Variants in HERC2 observed in about 807,000 individuals in gnomAD.
The protein encoded by HERC2 is HECT and RLD domain containing E3 ubiquitin protein ligase 2.
In HERC2, 102 loss-of-function variants were observed where a neutral mutation model predicts 537.7. The observed-to-expected ratio is 0.19, with a 90% CI of 0.16 to 0.22. HERC2 has a LOEUF of 0.22. Among genes scored for constraint, HERC2 ranks in the 10% least tolerant of loss-of-function variants. The pLI is 1.00. For missense variants in HERC2, 4,236 were observed against 6,198.2 expected, an observed-to-expected ratio of 0.68 and a Z score of 10.63; for synonymous variants, 2,224 against 2,466.2, an observed-to-expected ratio of 0.90 and a Z score of 2.91.
At chr15:28,222,928 T>C (rs1900679910) in intron 35 of HERC2, among the ~76,000 whole-genome samples, 1 of 152,188 alleles carries the variant, frequency 6.6e-6, no homozygotes, top group Non-Finnish European at 1.5e-5. Context: ...GCTCGTCCTG[T>C]GTGGATCCTG....
At chr15:28,129,567 C>G (rs1485481827) in intron 83 of HERC2, among the ~76,000 whole-genome samples, 3 of 152,222 alleles carry the variant, frequency 2.0e-5, no homozygotes, top group African/African-American at 7.2e-5. Context: ...CCTCCCGAAA[C>G]CCAGGTTCCC....
chr15:28,152,679 G>T lies in HERC2; in HGVS notation c.10898C>A (p.Pro3633Gln), dbSNP rs1441630023. The T allele has an allele frequency of 1.3e-6, 2 of 1,548,254 alleles. No homozygotes were observed. The highest frequency in any genetic ancestry group is 2.4e-5 in the East Asian group (1 of 40,848). ...CCCGCTGGGGCCAGCCCCTGTACCT[G>T]GTATCTTCACTGTGCCACTGGTGGA... Reference protein sequence around the residue: ...DTSTSGTVKIPGAEGLRVEFD... With the variant: ...DTSTSGTVKIQGAEGLRVEFD... Residue 3633 changes from proline (P) to glutamine (Q), a missense_variant and splice_region_variant, in exon 70 of 93, where the codon CCA (proline) becomes CAA (glutamine). Physicochemically the swap from Pro to Gln is moderately conservative, Grantham distance 76. Transcript: ENST00000261609.
At chr15:28,311,360 G>C (rs1238325365) in intron 2 of HERC2, among the ~76,000 whole-genome samples, 9 of 152,390 alleles carry the variant, frequency 5.9e-5, no homozygotes, top group Admixed American at 5.9e-4. Context: ...ACTACTCAGG[G>C]GGCTGAGGTG....
rs190315809 is a variant in HERC2, at chr15:28,266,767, G to C, written c.1599-793C>G. The stretch of plus-strand genomic sequence containing the variant: ...AGAGGTTGTCAGGAACTGGAGGTAG[G>C]AAGGGGGCATCAACTCAAAGGGTAC... On this transcript the variant is annotated intron_variant, in intron 12 of 92. Transcript: ENST00000261609. Among the ~76,000 whole-genome samples, 3 of 152,294 alleles carry C rather than the reference G, an allele frequency of 2.0e-5. No homozygotes were observed. In the East Asian group the frequency reaches 5.8e-4, roughly 29 times the overall value.
chr15:28,147,035 C>G lies in HERC2; in HGVS notation c.10901-691G>C, dbSNP rs1596049657. On this transcript the variant is annotated intron_variant, in intron 70 of 92. Transcript: ENST00000261609. ...TTGGGAGCTGATTCTGGGGGGGCCG[C>G]AGGAGGTGGGGAGTGGAAGCAGGAA... Among the ~76,000 whole-genome samples, 12 of 140,050 alleles carry G rather than the reference C, an allele frequency of 8.6e-5. No individual in the cohort carries two copies. The South Asian group carries it at 2.9e-3, about 34-fold the overall frequency. 91.9% of individuals were successfully genotyped at this position (140,050 alleles called of 152,430 possible).
chr15:28,229,565 A>G lies in HERC2; in HGVS notation c.5015T>C (p.Ile1672Thr). The change falls in exon 33 of 93, where the codon ATA becomes ACA. Residue 1672 changes from isoleucine to threonine, a missense_variant. This residue lies in a region of HERC2 where 343 missense variants were observed against 417.2 expected (regional missense o/e 0.82). Transcript: ENST00000261609. ...LERAEVRLEG[I>T]DTILKLASKN... ...GCTCGCCAGTTTTAAAATTGTATCT[A>G]TCCCTTCCAGGCGAACCTCTGCTCT... is the stretch of plus-strand genomic sequence containing the variant. 2 of 1,613,106 alleles carry G rather than the reference A, an allele frequency of 1.2e-6. No homozygotes were observed. The highest frequency in any genetic ancestry group is 1.3e-5 in the African/African-American group (1 of 75,038).
intron 20 of HERC2, among the ~76,000 whole-genome samples, chr15:28,250,414 C>T (rs1904190058): frequency 6.6e-6 from 1 of 152,150 alleles, no homozygotes; most frequent in Non-Finnish European, 1.5e-5. Context: ...ATGTATGCTA[C>T]ACCTGAAGGA....
At chr15:28,226,280 C>A (rs1442630024) in intron 35 of HERC2, among the ~76,000 whole-genome samples, 1 of 152,066 alleles carries the variant, frequency 6.6e-6, no homozygotes, top group African/African-American at 2.4e-5. Flanking sequence ...GAAAAGCCAG[C>A]CTTGAAGTTC....
rs1444542968 is a variant in HERC2, at chr15:28,245,562, T to TACAC, written c.3577+318_3577+319insGTGT. Among the ~76,000 whole-genome samples the TACAC allele has an allele frequency of 1.1e-3, 68 of 62,932 alleles. 1 individual carries two copies. The highest frequency in any genetic ancestry group is 2.9e-3 in the African/African-American group (55 of 19,008). The allele number at this position is 62,932 out of a possible 152,430, so 41.3% of individuals were successfully genotyped here. A position where few individuals can be genotyped will look rare whatever the true frequency, so the allele number is the denominator to read the frequency against. ...ATGTAGTGTCAAAAAAAAAAAAAAA[T>TACAC]ATATACACACACACACACACACACA... On this transcript the variant is annotated intron_variant, in intron 23 of 92. Transcript: ENST00000261609.
intron 69 of HERC2, among the ~76,000 whole-genome samples, chr15:28,154,329 T>C (rs1414593048): frequency 5.9e-5 from 9 of 152,214 alleles, no homozygotes; most frequent in African/African-American, 1.9e-4. Context: ...ATAGGCATGA[T>C]TTTAAATCTA....
At chr15:28,264,020 C>CAAAA (rs34823980) in intron 14 of HERC2, among the ~76,000 whole-genome samples, 72 of 81,856 alleles carry the variant, frequency 8.8e-4, no homozygotes, top group Non-Finnish European at 1.1e-3. Context: ...CTTTGTCTTA[C>CAAAA]AAAAAAAAAA....
intron 9 of HERC2, among the ~76,000 whole-genome samples, chr15:28,271,478 G>A (rs1198742602): frequency 1.3e-5 from 2 of 152,050 alleles, no homozygotes; most frequent in African/African-American, 4.8e-5. Context: ...ACCATCCTGG[G>A]TAACATGGTG....
At chr15:28,256,372 A>G in intron 17 of HERC2, 55 bp from the exon 18 acceptor site, 3 of 1,154,216 alleles carry the variant, frequency 2.6e-6, no homozygotes, top group South Asian at 1.4e-5. Flanking sequence ...GTGAATTTCA[A>G]AGTCTTATTA....
intron 64 of HERC2, among the ~76,000 whole-genome samples, 174 bp from the exon 65 acceptor site, chr15:28,174,794 A>G (rs1225022104): frequency 6.6e-6 from 1 of 152,180 alleles, no homozygotes; most frequent in Non-Finnish European, 1.5e-5. Context: ...AGCGTACTAC[A>G]ATTCTGAAGA....
rs1895201094 is a variant in HERC2, at chr15:28,175,581, C to T, written c.9762G>A (p.Leu3254=). ...HVRKPQVVEG[L]RGKKIVHVAV... Reference sequence around the variant, plus strand: ...CCACATGCACGATCTTCTTCCCTCTCAGCCCTTCCACCACCTGTGGTTTCC... The same window carrying T: ...CCACATGCACGATCTTCTTCCCTCTTAGCCCTTCCACCACCTGTGGTTTCC... The change falls in exon 64 of 93, where the codon CTG becomes CTA. Residue 3254 remains leucine, a synonymous_variant. Transcript: ENST00000261609. 1.2e-6 allele frequency: 2 copies of T among 1,614,084 alleles called. No individual in the cohort carries two copies. Among genetic ancestry groups the T allele is most frequent in the East Asian group, 2.2e-5 (1 of 44,892 alleles).
chr15:28,162,703 C>G (rs1269375718), intron 69 of HERC2, among the ~76,000 whole-genome samples: 1 of 152,048 alleles, frequency 6.6e-6, no homozygotes, highest in Non-Finnish European at 1.5e-5. Context: ...TCCTGGCTAA[C>G]ATGGTAAAAC....
In HERC2 at chr15:28,256,092, C is replaced by CGCA. The variant is rs1423488420; in HGVS notation, c.2740_2742dup (p.Cys914dup). ...CCTGTTCCTTCCCCAGGCCCACCTG[C>CGCA]GCAGGGCAGGAGAGCAGAGAGTGCC... is the stretch of plus-strand genomic sequence containing the variant. On this transcript the variant is annotated inframe_insertion, in exon 18 of 93. Coordinates refer to ENST00000261609, the MANE Select transcript of HERC2 (RefSeq NM_004667.6). The CGCA allele has an allele frequency of 1.2e-6, 2 of 1,603,410 alleles. No individual in the cohort carries two copies. Among genetic ancestry groups the CGCA allele is most frequent in the Non-Finnish European group, 1.7e-6 (2 of 1,179,094 alleles).
In HERC2 at chr15:28,191,033, T is replaced by C; in HGVS notation, c.8581A>G (p.Ile2861Val). 1 of 1,612,966 alleles carries C rather than the reference T, an allele frequency of 6.2e-7. No individual in the cohort carries two copies. Among genetic ancestry groups the C allele is most frequent in the Non-Finnish European group, 8.5e-7 (1 of 1,178,986 alleles). The part of the protein sequence containing the change: ...VSGGNSLNNL[I>V]ELKTININPS... Reference sequence around the variant, plus strand: ...TTAATATTGATTGTCTTTAGTTCAATAAGGTTATTCAGGGAATTTCCACCT... The same window carrying C: ...TTAATATTGATTGTCTTTAGTTCAACAAGGTTATTCAGGGAATTTCCACCT... The change falls in exon 55 of 93, where the codon ATT (isoleucine) becomes GTT (valine). Residue 2861 changes from isoleucine to valine, a missense_variant. Around this residue, in one of 27 missense-constraint regions of HERC2, gnomAD observed 606 missense variants for 884.5 expected, o/e 0.69. Transcript: ENST00000261609.
intron 23 of HERC2, among the ~76,000 whole-genome samples, chr15:28,242,347 TACTC>T (rs1277773247): frequency 6.6e-6 from 1 of 152,200 alleles, no homozygotes; most frequent in Non-Finnish European, 1.5e-5. Context: ...AACATTCTCC[TACTC>T]ACTCTACAAG....
Sources: gnomAD v4.1 joint callset for allele counts (sites outside exome capture counted in the v4.1 genomes callset) on GRCh38, gnomAD v4.1.1 for gene constraint, gnomAD v4.1.1 regional missense constraint, MANE v1.5 for transcripts, NCBI Gene and HGNC (gene_info 2026-07-23, HGNC 2026-07-21) for gene names.